UTRN: variants seen among roughly 807,000 people sequenced by gnomAD.
UTRN encodes the protein utrophin.
In UTRN, 283 loss-of-function variants were observed where a neutral mutation model predicts 463.9. That is an observed-to-expected ratio of 0.61 (90% CI 0.55 to 0.67). UTRN has a LOEUF of 0.67. Ranked by LOEUF, UTRN falls within the 30% of genes least tolerant of loss-of-function variation. The pLI is 0.00. For missense variants in UTRN, 3,922 were observed against 4,084.3 expected (o/e 0.96, Z 1.08); for synonymous variants, 1,442 against 1,431.5 (o/e 1.01, Z -0.17).
At chr6:144,374,171 T>C (rs909520349) in intron 2 of UTRN, among the ~76,000 whole-genome samples, 1 of 152,224 alleles carries the variant, frequency 6.6e-6, no homozygotes, top group Non-Finnish European at 1.5e-5. Context: ...CAATCTTCTT[T>C]TAGTTTTTTA....
At chr6:144,491,873 A>T (rs1793105611) in intron 32 of UTRN, among the ~76,000 whole-genome samples, 1 of 152,196 alleles carries the variant, frequency 6.6e-6, no homozygotes, top group Non-Finnish European at 1.5e-5. Flanking sequence ...ACAGCGTCCT[A>T]TGAGATGTTG....
intron 2 of UTRN, among the ~76,000 whole-genome samples, chr6:144,321,923 C>T (rs1028088609): frequency 6.6e-6 from 1 of 151,994 alleles, no homozygotes; most frequent in Admixed American, 6.6e-5. Flanking sequence ...ACATTCACGC[C>T]TGGCTGATTT....
At chr6:144,616,162 A>G (rs1173447292) in intron 51 of UTRN, among the ~76,000 whole-genome samples, 3 of 152,170 alleles carry the variant, frequency 2.0e-5, no homozygotes, top group African/African-American at 7.2e-5. Flanking sequence ...TAATTCAGTT[A>G]CTCTGAATTA....
chr6:144,542,149 G>A (rs529086853), intron 45 of UTRN, among the ~76,000 whole-genome samples: 23 of 152,252 alleles, frequency 1.5e-4, no homozygotes, highest in Non-Finnish European at 2.9e-4. Flanking sequence ...GCTTCACTAC[G>A]GAGATAGATG....
At chr6:144,400,763 G>C (rs1782871860) in intron 2 of UTRN, among the ~76,000 whole-genome samples, 1 of 152,188 alleles carries the variant, frequency 6.6e-6, no homozygotes, top group Non-Finnish European at 1.5e-5. Context: ...TTGGATGTTA[G>C]AAAATGTATC....
intron 61 of UTRN, 47 bp downstream of exon 61, chr6:144,782,170 A>G (rs773668967): frequency 6.9e-7 from 1 of 1,451,880 alleles, no homozygotes; most frequent in South Asian, 1.4e-5. Flanking sequence ...TGAATGAAAT[A>G]TGTTAATAGA....
chr6:144,403,112 C>G lies in UTRN; in HGVS notation c.80-11C>G. On this transcript the variant is annotated splice_polypyrimidine_tract_variant and intron_variant, in intron 2 of 74. Coordinates refer to ENST00000367545, the MANE Select transcript of UTRN (RefSeq NM_007124.3). ...ATACTTTTTCCTTCTCTTTCTTTTT[C>G]CATTCCACAGATGAACACAATGACG... The G allele has an allele frequency of 6.2e-7, 1 of 1,612,082 alleles. No individual in the cohort carries two copies. Among genetic ancestry groups the G allele is most frequent in the Non-Finnish European group, 8.5e-7 (1 of 1,178,760 alleles).
intron 1 of UTRN, among the ~76,000 whole-genome samples, chr6:144,290,593 T>A (rs1488854205): frequency 6.6e-6 from 1 of 152,194 alleles, no homozygotes; most frequent in Non-Finnish European, 1.5e-5. Context: ...CATATTACTA[T>A]GAAAAAATTC....
At chr6:144,533,499 C>A (rs545627080) in intron 43 of UTRN, among the ~76,000 whole-genome samples, 285 of 152,204 alleles carry the variant, frequency 1.9e-3, no homozygotes, top group Middle Eastern at 6.8e-3. Flanking sequence ...CTTTTATTTA[C>A]AACTGCTTAT....
chr6:144,566,374 A>C (rs1800402007), intron 50 of UTRN, among the ~76,000 whole-genome samples: 1 of 152,132 alleles, frequency 6.6e-6, no homozygotes, highest in Non-Finnish European at 1.5e-5. Flanking sequence ...TATATTATTA[A>C]ATGTAAGGAA....
Position 144,688,351 on chromosome 6 carries a change from T to C in UTRN, c.7652+9773T>C, listed in dbSNP as rs377749448. On this transcript the variant is annotated intron_variant, in intron 52 of 74. Coordinates refer to ENST00000367545, the MANE Select transcript of UTRN (RefSeq NM_007124.3). ...GAGTAACTTAATAGTCATCCTTTTGTATTCTTTATCTGGTATTTCCAAAGA... is the reference window on the plus strand; with the variant it reads ...GAGTAACTTAATAGTCATCCTTTTGCATTCTTTATCTGGTATTTCCAAAGA... Among the ~76,000 whole-genome samples the C allele has an allele frequency of 4.3e-4, 66 of 152,308 alleles. 2 individuals are homozygous for C. Among genetic ancestry groups the C allele is most frequent in the African/African-American group, 1.5e-3 (62 of 41,576 alleles).
intron 53 of UTRN, among the ~76,000 whole-genome samples, chr6:144,718,286 A>T (rs1430319340): frequency 1.3e-5 from 2 of 152,124 alleles, no homozygotes; most frequent in Non-Finnish European, 2.9e-5. Flanking sequence ...CCTGGTCAAC[A>T]TAGCAAGACT....
intron 74 of UTRN, 33 bp from the exon 75 acceptor site, chr6:144,850,956 A>G (rs749088152): frequency 4.3e-6 from 7 of 1,613,440 alleles, no homozygotes; most frequent in Non-Finnish European, 5.9e-6. Flanking sequence ...GTTTTGTGCA[A>G]ATTTCTGACA....
intron 2 of UTRN, among the ~76,000 whole-genome samples, chr6:144,312,874 A>T (rs1476246983): frequency 6.6e-6 from 1 of 152,212 alleles, no homozygotes; most frequent in African/African-American, 2.4e-5. Context: ...ACTAATTTCC[A>T]GCCAGTTTAT....
At chr6:144,649,563 T>A (rs186043529) in intron 51 of UTRN, among the ~76,000 whole-genome samples, 6 of 152,260 alleles carry the variant, frequency 3.9e-5, no homozygotes, top group Admixed American at 1.3e-4. Flanking sequence ...GTTTAGTTAT[T>A]TGGGGGTTGG....
intron 65 of UTRN, among the ~76,000 whole-genome samples, chr6:144,807,632 C>G (rs1203313706): frequency 6.6e-6 from 1 of 152,104 alleles, no homozygotes; most frequent in Non-Finnish European, 1.5e-5. Context: ...AAAAACAGCT[C>G]AACTCCCACT....
intron 34 of UTRN, among the ~76,000 whole-genome samples, chr6:144,507,996 T>C (rs1161511986): frequency 6.6e-6 from 1 of 152,120 alleles, no homozygotes; most frequent in Non-Finnish European, 1.5e-5. Context: ...CTGTGGTGGG[T>C]TCTGCCCAGT....
intron 27 of UTRN, 146 bp downstream of exon 27, chr6:144,482,534 AT>A: frequency 1.9e-6 from 1 of 524,010 alleles, no homozygotes; most frequent in Non-Finnish European, 2.6e-6. Context: ...CAAATTCTGG[AT>A]TATAAAGAAA....
At position 144,550,989 on chromosome 6, in the gene UTRN, C is replaced by A. The variant is rs114254210; in HGVS notation, c.6835C>A (p.Arg2279Ser). ...GATTACAAAGGCTGACTTAGAACAG[C>A]GCCATCCTCAGCTGGATTATGTTTT... ...MKITKADLEQ[R>S]HPQLDYVFTL... The change falls in exon 48 of 75, where the codon CGC becomes AGC. Residue 2279 changes from arginine to serine, a missense_variant. Physicochemically the swap from Arg to Ser is moderately radical, Grantham distance 110. This residue lies in a region of UTRN where 1,309 missense variants were observed against 1,452.6 expected (regional missense o/e 0.90). Coordinates refer to ENST00000367545, the MANE Select transcript of UTRN (RefSeq NM_007124.3). The A allele has an allele frequency of 3.6e-5, 58 of 1,610,856 alleles. No individual in the cohort carries two copies. In the African/African-American group the frequency reaches 6.8e-4, roughly 19 times the overall value.
Sources: allele counts gnomAD v4.1 joint callset (sites outside exome capture counted in the v4.1 genomes callset), GRCh38; gene constraint gnomAD v4.1.1; regional missense constraint gnomAD v4.1.1; transcripts MANE v1.5; gene names NCBI Gene and HGNC (gene_info 2026-07-23, HGNC 2026-07-21).